The following QSER1 variants were observed in gnomAD, a reference collection of about 807,000 sequenced individuals.
QSER1 encodes the protein glutamine and serine-rich protein 1.
Under a neutral mutation model 158.5 loss-of-function variants are expected in QSER1, and 49 were observed. That is an observed-to-expected ratio of 0.31 (90% CI 0.25 to 0.39). QSER1 has a LOEUF of 0.39. Ranked by LOEUF, QSER1 falls within the 10% of genes least tolerant of loss-of-function variation. QSER1 has a pLI of 1.00. For missense variants in QSER1, 1,754 were observed against 2,010.3 expected (o/e 0.87, Z 2.44); for synonymous variants, 650 against 715.5 (o/e 0.91, Z 1.46).
chr11:32,957,652 T>G (rs1254211891), intron 7 of QSER1, among the ~76,000 whole-genome samples: 1 of 152,210 alleles, frequency 6.6e-6, no homozygotes, highest in Non-Finnish European at 1.5e-5. Flanking sequence ...AGTCCCTTAA[T>G]AACTGAATAT....
chr11:32,899,418 G>C (rs1399898921), intron 1 of QSER1, among the ~76,000 whole-genome samples: 1 of 152,128 alleles, frequency 6.6e-6, no homozygotes, highest in Non-Finnish European at 1.5e-5. Flanking sequence ...CCTTTCCTTG[G>C]TATGTTCTCT....
chr11:32,967,034 C>T (rs1474187081), intron 9 of QSER1, among the ~76,000 whole-genome samples: 2 of 152,084 alleles, frequency 1.3e-5, no homozygotes, highest in Non-Finnish European at 2.9e-5. Context: ...AAATAATACC[C>T]AAGAGACACC....
chr11:32,934,065 A>G lies in QSER1; in HGVS notation c.2807A>G (p.Gln936Arg). 6.2e-7 allele frequency: 1 copy of G among 1,613,952 alleles called. No individual in the cohort carries two copies. The highest frequency in any genetic ancestry group is 8.5e-7 in the Non-Finnish European group (1 of 1,179,978). ...DLSESSKPLQQHLTTKGHFSE... is the reference protein window; with the variant it reads ...DLSESSKPLQRHLTTKGHFSE... ...TCTGAGTCTTCAAAACCATTACAACAACATCTAACAACAAAGGGCCATTTT... is the reference window on the plus strand; with the variant it reads ...TCTGAGTCTTCAAAACCATTACAACGACATCTAACAACAAAGGGCCATTTT... The change falls in exon 4 of 13, where the codon CAA becomes CGA. Residue 936 changes from glutamine to arginine, a missense_variant. This residue lies in a region of QSER1 where 1,707 missense variants were observed against 1,919.6 expected (regional missense o/e 0.89). Coordinates refer to ENST00000650167, the MANE Select transcript of QSER1 (RefSeq NM_001076786.3).
Position 32,933,687 on chromosome 11 carries a change from C to A in QSER1, c.2429C>A (p.Pro810His). 1 of 1,613,640 alleles carries A rather than the reference C, an allele frequency of 6.2e-7. No homozygotes were observed. The highest frequency in any genetic ancestry group is 8.5e-7 in the Non-Finnish European group (1 of 1,179,826). The change falls in exon 4 of 13, where the codon CCT becomes CAT. Residue 810 changes from proline to histidine, a missense_variant. Transcript: ENST00000650167. ...LNTKDLKQQH[P>H]LILKVHESKV... ...ACTAAAGACTTAAAGCAGCAACATC[C>A]TCTCATACTTAAGGTGCATGAGTCC...
In QSER1 at chr11:32,935,336, T is replaced by A. The variant is rs769045842; in HGVS notation, c.4078T>A (p.Ser1360Thr). 1 of 1,613,252 alleles carries A rather than the reference T, an allele frequency of 6.2e-7. No individual in the cohort carries two copies. Among genetic ancestry groups the A allele is most frequent in the South Asian group, 1.1e-5 (1 of 91,014 alleles). ...KNLEHLSSFS[S>T]DEDDPGYSQD... ...CTTGGAACATTTATCTTCATTTTCT[T>A]CTGATGAAGATGATCCTGGATATAG... The change falls in exon 4 of 13, where the codon TCT becomes ACT. Residue 1360 changes from serine to threonine, a missense_variant. Around this residue, in one of 2 missense-constraint regions of QSER1, gnomAD observed 1,707 missense variants for 1,919.6 expected, o/e 0.89. Coordinates refer to ENST00000650167, the MANE Select transcript of QSER1 (RefSeq NM_001076786.3).
intron 1 of QSER1, among the ~76,000 whole-genome samples, chr11:32,913,039 C>T (rs1246329609): frequency 6.6e-6 from 1 of 152,106 alleles, no homozygotes; most frequent in Non-Finnish European, 1.5e-5. Context: ...CCTCATATCC[C>T]TGTTCTCCAA....
At chr11:32,969,840 A>G (rs1852820062) in intron 10 of QSER1, among the ~76,000 whole-genome samples, 1 of 151,982 alleles carries the variant, frequency 6.6e-6, no homozygotes, top group Non-Finnish European at 1.5e-5. Context: ...GCCCACCACC[A>G]CACCTGGCTA....
rs371820197 is a variant in QSER1 at position 32,933,183 on chromosome 11, A to G, written c.1925A>G (p.Gln642Arg). ...CAAGAGTCATCATCTCCCCAGTCCC[A>G]GAAGTTTTTGCCTGCTGTCCAGTCA... The part of the protein sequence containing the change: ...QTQESSSPQS[Q>R]KFLPAVQSSS... Residue 642 changes from glutamine to arginine, a missense_variant, in exon 4 of 13, where the codon CAG (glutamine) becomes CGG (arginine). Coordinates refer to ENST00000650167, the MANE Select transcript of QSER1 (RefSeq NM_001076786.3). The G allele has an allele frequency of 7.4e-6, 12 of 1,613,766 alleles. No individual in the cohort carries two copies. Among genetic ancestry groups the G allele is most frequent in the African/African-American group, 5.3e-5 (4 of 74,902 alleles).
rs201461711 is a variant in QSER1, at chr11:32,932,730, G to A, written c.1472G>A (p.Arg491Lys). 56 of 1,614,088 alleles carry A rather than the reference G, an allele frequency of 3.5e-5. No individual in the cohort carries two copies. Among genetic ancestry groups the A allele is most frequent in the Middle Eastern group, 1.6e-4 (1 of 6,062 alleles). Reference sequence around the variant, plus strand: ...TCTATTGTTCATTCACAGGTTTATAGGTCCAGCAAGGTTGAGAAATTGCCA... The same window carrying A: ...TCTATTGTTCATTCACAGGTTTATAAGTCCAGCAAGGTTGAGAAATTGCCA... ...VPSIVHSQVYRSSKVEKLPPL... is the reference protein window; with the variant it reads ...VPSIVHSQVYKSSKVEKLPPL... Residue 491 changes from arginine to lysine, a missense_variant, in exon 4 of 13, where the codon AGG (arginine) becomes AAG (lysine). Arg to Lys is a conservative substitution (Grantham distance 26, BLOSUM62 2). Transcript: ENST00000650167.
At chr11:32,917,711 A>G (rs1052620475) in intron 1 of QSER1, among the ~76,000 whole-genome samples, 2 of 150,498 alleles carry the variant, frequency 1.3e-5, no homozygotes, top group African/African-American at 4.9e-5. Flanking sequence ...CTATAGTCCC[A>G]GCTACTTGGG....
In QSER1 at chr11:32,953,948, A is replaced by G. The variant is rs2133581728; in HGVS notation, c.4269A>G (p.Glu1423=). ...SSTTVGAVKQ[E]PLHSTSYAVN... ...CCACTGTGGGTGCAGTTAAGCAAGA[A>G]CCTCTCCACTCTACTTCATATGCAG... Residue 1423 remains glutamate (E), a synonymous_variant, in exon 5 of 13, where the codon GAA becomes GAG. Coordinates refer to ENST00000650167, the MANE Select transcript of QSER1 (RefSeq NM_001076786.3). 1 of 1,614,072 alleles carries G rather than the reference A, an allele frequency of 6.2e-7. No individual in the cohort carries two copies. Among genetic ancestry groups the G allele is most frequent in the East Asian group, 2.2e-5 (1 of 44,876 alleles).
At chr11:32,907,126 A>G (rs552378240) in intron 1 of QSER1, among the ~76,000 whole-genome samples, 1 of 152,320 alleles carries the variant, frequency 6.6e-6, no homozygotes, top group South Asian at 2.1e-4. Flanking sequence ...TTGGCTTACA[A>G]ATTTGTGGAC....
chr11:32,933,182 C>T lies in QSER1; in HGVS notation c.1924C>T (p.Gln642Ter). ...TCAAGAGTCATCATCTCCCCAGTCCCAGAAGTTTTTGCCTGCTGTCCAGTC... is the reference window on the plus strand; with the variant it reads ...TCAAGAGTCATCATCTCCCCAGTCCTAGAAGTTTTTGCCTGCTGTCCAGTC... ...QTQESSSPQS[Q>*]KFLPAVQSSS... Residue 642 changes from glutamine (Q) to a stop codon, truncating the protein, a stop_gained, in exon 4 of 13, where the codon CAG becomes TAG. Transcript: ENST00000650167. LOFTEE classifies it high-confidence loss of function. The T allele has an allele frequency of 6.2e-7, 1 of 1,613,860 alleles. No homozygotes were observed. Among genetic ancestry groups the T allele is most frequent in the Non-Finnish European group, 8.5e-7 (1 of 1,179,930 alleles).
chr11:32,937,110 C>T (rs919746150), intron 4 of QSER1, among the ~76,000 whole-genome samples: 70 of 152,238 alleles, frequency 4.6e-4, no homozygotes, highest in African/African-American at 1.6e-3. Context: ...AAACTAGTTT[C>T]TTCCAGAGAT....
chr11:32,973,695 A>G, intron 11 of QSER1, 146 bp downstream of exon 11: 2 of 708,536 alleles, frequency 2.8e-6, no homozygotes, highest in Non-Finnish European at 4.6e-6. Context: ...CACTGGCCTG[A>G]GGAACAGGGA....
intron 1 of QSER1, chr11:32,926,151 T>C (rs1851967318): frequency 6.6e-6 from 1 of 151,948 alleles, no homozygotes; most frequent in Non-Finnish European, 1.5e-5. Flanking sequence ...CTTCAAAAGG[T>C]CAAGGGATTT....
chr11:32,961,596 CTG>C (rs1385565996), intron 8 of QSER1, among the ~76,000 whole-genome samples: 1 of 152,178 alleles, frequency 6.6e-6, no homozygotes, highest in African/African-American at 2.4e-5. Context: ...CAAACAGAAA[CTG>C]TAACCATTAA....
At chr11:32,919,477 C>T (rs571560430) in intron 1 of QSER1, among the ~76,000 whole-genome samples, 32 of 152,100 alleles carry the variant, frequency 2.1e-4, no homozygotes, top group Non-Finnish European at 4.1e-4. Context: ...ATGTTTAGAC[C>T]GGTGTTACTG....
At chr11:32,931,036 GT>G (rs943108579) in intron 3 of QSER1, among the ~76,000 whole-genome samples, 7 of 151,400 alleles carry the variant, frequency 4.6e-5, no homozygotes, top group African/African-American at 7.3e-5. Flanking sequence ...GCAGTTCACT[GT>G]TTTTTTATAT....
Sources: gnomAD v4.1 joint callset for allele counts (sites outside exome capture counted in the v4.1 genomes callset) on GRCh38, gnomAD v4.1.1 for gene constraint, gnomAD v4.1.1 regional missense constraint, MANE v1.5 for transcripts, NCBI Gene and HGNC (gene_info 2026-07-23, HGNC 2026-07-21) for gene names.